CFAP299: variants seen among roughly 807,000 people sequenced by gnomAD.
CFAP299 encodes cilia- and flagella-associated protein 299.
A neutral mutation model predicts 27.0 loss-of-function variants in CFAP299; 21 were observed. The ratio of observed to expected loss-of-function variants is 0.78; its 90% CI spans 0.55 to 1.12. The LOEUF (loss-of-function observed/expected upper bound fraction) is 1.12, where lower values mean the gene tolerates loss of function less well. CFAP299 is among the 50% of genes most tolerant of loss of function. CFAP299 has a pLI of 0.00. For missense variants in CFAP299, 310 were observed against 276.6 expected, an observed-to-expected ratio of 1.12 and a Z score of -0.86; for synonymous variants, 104 against 98.1, an observed-to-expected ratio of 1.06 and a Z score of -0.36.
chr4:80,762,006 G>A lies in CFAP299; in HGVS notation c.334-107987G>A, dbSNP rs373694195. Among the ~76,000 whole-genome samples the A allele has an allele frequency of 2.6e-5, 4 of 152,030 alleles. No homozygotes were observed. In the South Asian group the frequency reaches 8.3e-4, roughly 32 times the overall value. On this transcript the variant is annotated intron_variant, in intron 3 of 5. Transcript: ENST00000358105. ...CAGATTTCAGTGTTTAAGTATTTGTGTACATGTTTATATGTGTTTGGGATT... is the reference window on the plus strand; with the variant it reads ...CAGATTTCAGTGTTTAAGTATTTGTATACATGTTTATATGTGTTTGGGATT...
At chr4:80,711,977 A>G (rs1299416314) in intron 3 of CFAP299, among the ~76,000 whole-genome samples, 1 of 152,174 alleles carries the variant, frequency 6.6e-6, no homozygotes, top group African/African-American at 2.4e-5. Context: ...TTGCATTTCT[A>G]AAATGGAGTC....
rs561788880 is a variant in CFAP299, at chr4:80,419,259, A to G, written c.242+56375A>G. On this transcript the variant is annotated intron_variant, in intron 2 of 5. Transcript: ENST00000358105. ...TTTGAACTTTGACTTGGGATTTTATATGTTGGCATACTTCTGGGGTCTTGC... is the reference window on the plus strand; with the variant it reads ...TTTGAACTTTGACTTGGGATTTTATGTGTTGGCATACTTCTGGGGTCTTGC... Among the ~76,000 whole-genome samples, 13 of 152,296 alleles carry G rather than the reference A, an allele frequency of 8.5e-5. No individual in the cohort carries two copies. In the East Asian group the frequency reaches 9.7e-4, roughly 11 times the overall value.
intron 3 of CFAP299, among the ~76,000 whole-genome samples, chr4:80,704,489 A>T (rs887816398): frequency 6.6e-6 from 1 of 151,762 alleles, no homozygotes; most frequent in Non-Finnish European, 1.5e-5. Context: ...ACATATAGAG[A>T]TGATGCAAGT....
intron 3 of CFAP299, among the ~76,000 whole-genome samples, chr4:80,784,691 A>G (rs1727140794): frequency 6.6e-6 from 1 of 151,036 alleles, no homozygotes; most frequent in South Asian, 2.1e-4. Context: ...CTAATTTTGT[A>G]TTTCTAGTGG....
chr4:80,903,778 A>AT (rs1367509786), intron 4 of CFAP299, among the ~76,000 whole-genome samples: 2 of 152,086 alleles, frequency 1.3e-5, no homozygotes, highest in Admixed American at 6.6e-5. Flanking sequence ...AATGGAACAC[A>AT]TTAATTAATA....
chr4:80,524,097 C>T (rs1300801123), intron 2 of CFAP299, among the ~76,000 whole-genome samples: 3 of 152,092 alleles, frequency 2.0e-5, no homozygotes, highest in African/African-American at 7.2e-5. Flanking sequence ...AGGACAAACT[C>T]TTGAAGTACT....
rs79379984 is a variant in CFAP299 at position 80,842,892 on chromosome 4, C to T, written c.334-27101C>T. On this transcript the variant is annotated intron_variant, in intron 3 of 5. Coordinates refer to ENST00000358105, the MANE Select transcript of CFAP299 (RefSeq NM_152770.3). ...TTCTTGCTAACTCCAATCTTACTAC[C>T]ATCCTTTAACCATAAAATACATTAA... is the stretch of plus-strand genomic sequence containing the variant. Among the ~76,000 whole-genome samples the T allele has an allele frequency of 5.8e-3, 889 of 152,094 alleles. 7 individuals carry two copies. Among genetic ancestry groups the T allele is most frequent in the African/African-American group, 0.02 (831 of 41,480 alleles).
At chr4:80,952,924 G>T (rs1737857955) in intron 5 of CFAP299, among the ~76,000 whole-genome samples, 1 of 152,056 alleles carries the variant, frequency 6.6e-6, no homozygotes, top group South Asian at 2.1e-4. Context: ...TCATAGCCTT[G>T]AAATTGATCT....
At chr4:80,491,517 G>A (rs1731131472) in intron 2 of CFAP299, among the ~76,000 whole-genome samples, 1 of 151,918 alleles carries the variant, frequency 6.6e-6, no homozygotes, top group South Asian at 2.1e-4. Context: ...ATTTTTTGTT[G>A]TATTCAGATA....
chr4:80,956,662 G>A (rs1371471725), intron 5 of CFAP299, among the ~76,000 whole-genome samples: 1 of 151,358 alleles, frequency 6.6e-6, no homozygotes, highest in African/African-American at 2.4e-5. Context: ...TGCCTGGGCT[G>A]GTCTCCAACT....
chr4:80,824,675 A>G (rs1729887805), intron 3 of CFAP299, among the ~76,000 whole-genome samples: 3 of 152,168 alleles, frequency 2.0e-5, no homozygotes, highest in African/African-American at 7.2e-5. Context: ...GAATCAGAAA[A>G]GATGTGAGAG....
At position 80,963,456 on chromosome 4, in the gene CFAP299, A is replaced by AAT. The variant is rs1553910225; in HGVS notation, c.607-61_607-60insAT. 2,178 of 1,094,168 alleles carry AAT rather than the reference A, an allele frequency of 2.0e-3. 2 individuals are homozygous for AAT. Among genetic ancestry groups the AAT allele is most frequent in the Admixed American group, 2.0e-3 (74 of 37,878 alleles). 67.8% of individuals were successfully genotyped at this position (1,094,168 alleles called of 1,614,324 possible). ...TATAAAGCAAAAAAATAAAAAAAAA[A>AAT]TTTTAAAAAAGGCCAAGTATTTTTA... is the stretch of plus-strand genomic sequence containing the variant. On this transcript the variant is annotated intron_variant, in intron 5 of 5. Coordinates refer to ENST00000358105, the MANE Select transcript of CFAP299 (RefSeq NM_152770.3).
chr4:80,423,343 C>G (rs1407976853), intron 2 of CFAP299, among the ~76,000 whole-genome samples: 1 of 152,220 alleles, frequency 6.6e-6, no homozygotes, highest in East Asian at 1.9e-4. Context: ...TCCATTTGGA[C>G]TATTGGGGAG....
At chr4:80,928,816 AC>A (rs1207301828) in intron 4 of CFAP299, among the ~76,000 whole-genome samples, 8 of 152,130 alleles carry the variant, frequency 5.3e-5, no homozygotes, top group Admixed American at 5.2e-4. Flanking sequence ...TGTTCATTTT[AC>A]CATTCCTTTC....
intron 2 of CFAP299, among the ~76,000 whole-genome samples, chr4:80,525,079 C>A (rs988015019): frequency 6.6e-6 from 1 of 152,114 alleles, no homozygotes; most frequent in Non-Finnish European, 1.5e-5. Flanking sequence ...TCTCCATAAG[C>A]AGTTTACAAC....
At chr4:80,781,008 A>G (rs1164292225) in intron 3 of CFAP299, among the ~76,000 whole-genome samples, 2 of 151,950 alleles carry the variant, frequency 1.3e-5, no homozygotes, top group Non-Finnish European at 2.9e-5. Flanking sequence ...TATATACATA[A>G]TTATATGCTT....
chr4:80,754,840 T>C (rs1725144743), intron 3 of CFAP299, among the ~76,000 whole-genome samples: 1 of 152,112 alleles, frequency 6.6e-6, no homozygotes, highest in South Asian at 2.1e-4. Flanking sequence ...TCTCTTCTAT[T>C]AGATTTCATG....
intron 3 of CFAP299, chr4:80,649,035 G>T (rs1045001521): frequency 5.3e-5 from 8 of 152,220 alleles, no homozygotes; most frequent in Admixed American, 5.2e-4. Flanking sequence ...CACCTAGAAA[G>T]TGCGGTTTAA....
chr4:80,752,732 TTAAG>T (rs1482327076), intron 3 of CFAP299, among the ~76,000 whole-genome samples: 4 of 151,922 alleles, frequency 2.6e-5, no homozygotes, highest in Admixed American at 6.6e-5. Context: ...TTTGTATGAA[TTAAG>T]TATTTTTACA....
Sources: allele counts gnomAD v4.1 joint callset (sites outside exome capture counted in the v4.1 genomes callset), GRCh38; gene constraint gnomAD v4.1.1; transcripts MANE v1.5; gene names NCBI Gene and HGNC (gene_info 2026-07-23, HGNC 2026-07-21).